Variants in FARP1 observed in about 807,000 individuals in gnomAD.
FARP1 encodes FERM, ARHGEF and pleckstrin domain-containing protein 1.
FARP1 carries 52 observed loss-of-function variants against 128.8 expected under a neutral mutation model. The ratio of observed to expected loss-of-function variants is 0.40; its 90% CI spans 0.32 to 0.51. The LOEUF (loss-of-function observed/expected upper bound fraction) is 0.51, where lower values mean the gene tolerates loss of function less well. FARP1 is among the 20% of genes least tolerant of loss of function. FARP1 has a pLI of 0.45. For missense variants in FARP1, 1,333 were observed against 1,367.9 expected (o/e 0.97, Z 0.40); for synonymous variants, 580 against 551.8 (o/e 1.05, Z -0.72).
At chr13:98,295,307 C>G (rs1885637224) in intron 2 of FARP1, among the ~76,000 whole-genome samples, 3 of 152,044 alleles carry the variant, frequency 2.0e-5, no homozygotes, top group African/African-American at 7.2e-5. Context: ...TTAGAGGAGT[C>G]ATGGCAGCAG....
At chr13:98,339,762 T>TAATA (rs529254194) in intron 2 of FARP1, among the ~76,000 whole-genome samples, 1,916 of 150,972 alleles carry the variant, frequency 0.013, 39 homozygotes, top group African/African-American at 0.046. Flanking sequence ...TTGTATAAAA[T>TAATA]AATTTTAACA....
chr13:98,172,249 G>GA (rs1185362952), intron 1 of FARP1, among the ~76,000 whole-genome samples: 13 of 152,104 alleles, frequency 8.5e-5, no homozygotes, highest in Admixed American at 6.6e-4. Context: ...GCTGCTCAGG[G>GA]ATGTCTCGGT....
intron 5 of FARP1, among the ~76,000 whole-genome samples, chr13:98,377,541 A>G (rs1407008483): frequency 6.6e-6 from 1 of 152,206 alleles, no homozygotes; most frequent in East Asian, 1.9e-4. Context: ...CTACAAAAAT[A>G]TATAGCATGC....
chr13:98,228,562 A>G (rs1442667022), intron 2 of FARP1, among the ~76,000 whole-genome samples: 4 of 152,182 alleles, frequency 2.6e-5, no homozygotes, highest in African/African-American at 7.2e-5. Flanking sequence ...TATTGTTTGT[A>G]TAGTATATCG....
chr13:98,446,365 A>C, intron 25 of FARP1, 160 bp downstream of exon 25: 1 of 607,356 alleles, frequency 1.6e-6, no homozygotes, highest in Non-Finnish European at 2.9e-6. Flanking sequence ...CGAGGCCCTC[A>C]ACTCTAGGGA....
At chr13:98,205,253 A>G (rs1880196034) in intron 1 of FARP1, among the ~76,000 whole-genome samples, 1 of 152,186 alleles carries the variant, frequency 6.6e-6, no homozygotes, top group African/African-American at 2.4e-5. Context: ...TATTATGCAC[A>G]AGTATCTTTA....
At chr13:98,324,873 T>G (rs1887165255) in intron 2 of FARP1, among the ~76,000 whole-genome samples, 1 of 152,254 alleles carries the variant, frequency 6.6e-6, no homozygotes, top group Non-Finnish European at 1.5e-5. Context: ...GACCTATGGC[T>G]TCTGACCTAT....
chr13:98,412,417 A>G (rs1209046452), intron 16 of FARP1, among the ~76,000 whole-genome samples: 1 of 152,260 alleles, frequency 6.6e-6, no homozygotes, highest in African/African-American at 2.4e-5. Flanking sequence ...AAGTACATAC[A>G]TGCCTTGTGC....
intron 16 of FARP1, among the ~76,000 whole-genome samples, chr13:98,424,033 C>T (rs1891689524): frequency 6.6e-6 from 1 of 152,162 alleles, no homozygotes; most frequent in Non-Finnish European, 1.5e-5. Context: ...CCTTAGGTAC[C>T]ATCTCCTGTC....
intron 5 of FARP1, among the ~76,000 whole-genome samples, chr13:98,372,992 C>T (rs943719546): frequency 8.5e-5 from 13 of 152,322 alleles, no homozygotes; most frequent in African/African-American, 3.1e-4. Context: ...CCAGCATGCT[C>T]AGCTTACAGC....
At chr13:98,413,845 A>G (rs1203107532) in intron 16 of FARP1, among the ~76,000 whole-genome samples, 1 of 152,190 alleles carries the variant, frequency 6.6e-6, no homozygotes, top group Non-Finnish European at 1.5e-5. Flanking sequence ...CCAGCGAGAC[A>G]TGTGTTAGTA....
intron 2 of FARP1, among the ~76,000 whole-genome samples, chr13:98,317,995 C>T (rs1886800839): frequency 2.7e-5 from 4 of 148,214 alleles, no homozygotes; most frequent in African/African-American, 7.5e-5. Context: ...TCCTCTTCCT[C>T]ATCCTCCTCC....
At chr13:98,427,312 C>T (rs1158863255) in intron 17 of FARP1, among the ~76,000 whole-genome samples, 5 of 152,318 alleles carry the variant, frequency 3.3e-5, no homozygotes, top group South Asian at 2.1e-4. Context: ...TTTTCAAAAA[C>T]GTCCTTTTTC....
At chr13:98,347,723 T>G (rs896804015) in intron 3 of FARP1, among the ~76,000 whole-genome samples, 2 of 152,220 alleles carry the variant, frequency 1.3e-5, no homozygotes, top group African/African-American at 4.8e-5. Flanking sequence ...ACTATTATTT[T>G]TTAATATCAC....
intron 2 of FARP1, chr13:98,331,717 A>G (rs976611168): frequency 2.0e-5 from 3 of 152,156 alleles, no homozygotes; most frequent in East Asian, 1.9e-4. Context: ...GGACGTCATC[A>G]TTCCATTGTT....
At chr13:98,157,147 A>G (rs890253234) in intron 1 of FARP1, among the ~76,000 whole-genome samples, 1 of 152,232 alleles carries the variant, frequency 6.6e-6, no homozygotes, top group African/African-American at 2.4e-5. Context: ...AGCATGAATC[A>G]GTGCCCTTTG....
intron 2 of FARP1, among the ~76,000 whole-genome samples, chr13:98,239,269 G>C (rs905406046): frequency 1.3e-5 from 2 of 152,266 alleles, no homozygotes; most frequent in Non-Finnish European, 2.9e-5. Context: ...GACCGACCCT[G>C]GTTGTGTTTT....
chr13:98,303,824 G>A (rs1028358021), intron 2 of FARP1, among the ~76,000 whole-genome samples: 9 of 152,138 alleles, frequency 5.9e-5, no homozygotes, highest in African/African-American at 2.2e-4. Flanking sequence ...CGCCAGAGGA[G>A]GGATTCTGCA....
At chr13:98,229,774 C>T (rs1178543743) in intron 2 of FARP1, among the ~76,000 whole-genome samples, 3 of 151,092 alleles carry the variant, frequency 2.0e-5, no homozygotes, top group Admixed American at 6.6e-5. Context: ...AAGGGTTACA[C>T]AGCATAGCAT....
Sources: allele counts gnomAD v4.1 joint callset (sites outside exome capture counted in the v4.1 genomes callset), GRCh38; gene constraint gnomAD v4.1.1; transcripts MANE v1.5; gene names NCBI Gene and HGNC (gene_info 2026-07-23, HGNC 2026-07-21).